The following CSMD1 variants were observed in gnomAD, a reference collection of about 807,000 sequenced individuals.
CSMD1 encodes the protein CUB and Sushi multiple domains 1.
CSMD1 carries 213 observed loss-of-function variants against 417.5 expected under a neutral mutation model. That is an observed-to-expected ratio of 0.51 (90% CI 0.46 to 0.57). The LOEUF is 0.57. CSMD1 is among the 20% of genes least tolerant of loss of function. The pLI is 0.00. For missense variants in CSMD1, 6,923 were observed against 4,529.7 expected, an observed-to-expected ratio of 1.53 and a Z score of -15.17; for synonymous variants, 2,862 against 1,736.8, an observed-to-expected ratio of 1.65 and a Z score of -16.11.
intron 2 of CSMD1, among the ~76,000 whole-genome samples, chr8:4,482,814 T>C (rs544442696): frequency 6.6e-6 from 1 of 152,322 alleles, no homozygotes; most frequent in East Asian, 1.9e-4. Flanking sequence ...AGTATCTCAT[T>C]AAAGAAATGC....
intron 6 of CSMD1, among the ~76,000 whole-genome samples, chr8:3,738,579 T>C (rs560880194): frequency 6.6e-6 from 1 of 152,174 alleles, no homozygotes; most frequent in Non-Finnish European, 1.5e-5. Flanking sequence ...TGTGCTCTTG[T>C]CACGGGGATG....
chr8:4,633,666 C>A (rs570019416), intron 2 of CSMD1, among the ~76,000 whole-genome samples: 1 of 152,118 alleles, frequency 6.6e-6, no homozygotes, highest in African/African-American at 2.4e-5. Flanking sequence ...AAGTGATTCT[C>A]CTGCCTCAGC....
chr8:4,156,267 C>G (rs1214652517), intron 3 of CSMD1, among the ~76,000 whole-genome samples: 1 of 152,084 alleles, frequency 6.6e-6, no homozygotes, highest in East Asian at 1.9e-4. Flanking sequence ...TTAATTATGG[C>G]TAAAGAGTTG....
intron 3 of CSMD1, among the ~76,000 whole-genome samples, chr8:4,110,376 G>A (rs1248657990): frequency 1.3e-5 from 2 of 152,012 alleles, no homozygotes; most frequent in African/African-American, 4.8e-5. Flanking sequence ...TTAATCTAAG[G>A]GAAAAGTCAG....
chr8:3,602,556 T>C (rs1563190308), intron 8 of CSMD1, among the ~76,000 whole-genome samples: 1 of 152,136 alleles, frequency 6.6e-6, no homozygotes, highest in Non-Finnish European at 1.5e-5. Context: ...GCCTCAAAGG[T>C]TGTTGACACT....
intron 6 of CSMD1, among the ~76,000 whole-genome samples, chr8:3,744,307 G>C (rs1481723): frequency 0.21 from 32,660 of 151,986 alleles, 3,947 homozygotes; most frequent in East Asian, 0.37. Context: ...GACACAGCAC[G>C]GAGAGCATCT....
At chr8:3,188,850 T>C in intron 35 of CSMD1, 37 bp downstream of exon 35, 1 of 1,467,136 alleles carries the variant, frequency 6.8e-7, no homozygotes, top group Non-Finnish European at 9.1e-7. Context: ...GGACCCCAGC[T>C]GAGCCCTGTT....
intron 26 of CSMD1, among the ~76,000 whole-genome samples, chr8:3,259,588 T>C (rs1800906577): frequency 6.6e-6 from 1 of 152,234 alleles, no homozygotes; most frequent in African/African-American, 2.4e-5. Context: ...TTGTTAAACA[T>C]GATGTGTCTT....
At chr8:4,894,585 G>C (rs904932310) in intron 1 of CSMD1, among the ~76,000 whole-genome samples, 2 of 151,308 alleles carry the variant, frequency 1.3e-5, no homozygotes, top group African/African-American at 2.4e-5. Flanking sequence ...AGCTACATTG[G>C]CAATATTGTG....
chr8:3,677,685 G>C (rs1401280211), intron 7 of CSMD1, among the ~76,000 whole-genome samples: 2 of 152,180 alleles, frequency 1.3e-5, no homozygotes, highest in Non-Finnish European at 2.9e-5. Flanking sequence ...TCTTTGGCCA[G>C]AGCTGGGTAA....
chr8:4,171,559 T>A (rs1216781126), intron 3 of CSMD1, among the ~76,000 whole-genome samples: 1 of 151,794 alleles, frequency 6.6e-6, no homozygotes, highest in Admixed American at 6.6e-5. Flanking sequence ...AACTACTGGA[T>A]ATGGAGTGAT....
In CSMD1 at chr8:3,201,600, T is replaced by C. The variant is rs533827767; in HGVS notation, c.5098+12A>G. ...CTGAACTAAATTAAGGGCAAAATTC[T>C]TTAAGACTTACCTGAGTGAGACCCC... On this transcript the variant is annotated intron_variant, in intron 32 of 69. Coordinates refer to ENST00000635120, the MANE Select transcript of CSMD1 (RefSeq NM_033225.6). The C allele has an allele frequency of 6.5e-7, 1 of 1,545,780 alleles. No individual in the cohort carries two copies. The highest frequency in any genetic ancestry group is 8.8e-7 in the Non-Finnish European group (1 of 1,132,030).
intron 3 of CSMD1, among the ~76,000 whole-genome samples, chr8:4,090,236 G>C (rs866347813): frequency 6.6e-6 from 1 of 152,138 alleles, no homozygotes; most frequent in Non-Finnish European, 1.5e-5. Context: ...TTGTTTTTGA[G>C]AAGTTATCAC....
intron 1 of CSMD1, among the ~76,000 whole-genome samples, chr8:4,740,676 A>G (rs1810545394): frequency 6.6e-6 from 1 of 152,198 alleles, no homozygotes. Context: ...AGAGGATGAG[A>G]ATCTACTCAA....
intron 5 of CSMD1, among the ~76,000 whole-genome samples, chr8:3,935,233 TA>T (rs950340470): frequency 6.6e-6 from 1 of 152,168 alleles, no homozygotes; most frequent in Non-Finnish European, 1.5e-5. Flanking sequence ...AAATCGTTCT[TA>T]AAATGTAGAA....
chr8:4,211,452 G>A (rs1246320562), intron 3 of CSMD1, among the ~76,000 whole-genome samples: 1 of 152,174 alleles, frequency 6.6e-6, no homozygotes, highest in Non-Finnish European at 1.5e-5. Context: ...GTTTACGCAT[G>A]ACAAATGAGA....
chr8:4,540,611 A>C (rs1371528696), intron 2 of CSMD1, among the ~76,000 whole-genome samples: 1 of 152,168 alleles, frequency 6.6e-6, no homozygotes, highest in African/African-American at 2.4e-5. Context: ...AACAGAAGTG[A>C]AAATAAACCT....
At chr8:3,413,876 C>A (rs151183564) in intron 12 of CSMD1, among the ~76,000 whole-genome samples, 1 of 152,014 alleles carries the variant, frequency 6.6e-6, no homozygotes, top group Non-Finnish European at 1.5e-5. Flanking sequence ...CGGTAGCTCA[C>A]GCCTGTAATC....
intron 1 of CSMD1, among the ~76,000 whole-genome samples, chr8:4,725,818 G>A (rs1809395776): frequency 6.6e-6 from 1 of 152,136 alleles, no homozygotes; most frequent in Non-Finnish European, 1.5e-5. Flanking sequence ...TTGGAACTGA[G>A]TGTAATGTTC....
Sources: allele counts gnomAD v4.1 joint callset (sites outside exome capture counted in the v4.1 genomes callset), GRCh38; gene constraint gnomAD v4.1.1; transcripts MANE v1.5; gene names NCBI Gene and HGNC (gene_info 2026-07-23, HGNC 2026-07-21).